ARHGAP6: variants seen among roughly 807,000 people sequenced by gnomAD.
ARHGAP6 encodes the protein Rho GTPase activating protein 6.
A neutral mutation model predicts 55.7 loss-of-function variants in ARHGAP6; 16 were observed. That is an observed-to-expected ratio of 0.29 (90% CI 0.19 to 0.44). The LOEUF (loss-of-function observed/expected upper bound fraction) is 0.44. ARHGAP6 is among the 20% of genes least tolerant of loss of function. The pLI is 1.00. For synonymous variants in ARHGAP6, 382 were observed against 360.9 expected (o/e 1.06, Z -0.66); for missense variants, 698 against 808.9 (o/e 0.86, Z 1.66).
intron 1 of ARHGAP6, among the ~76,000 whole-genome samples, chrX:11,559,950 T>C (rs1051794017): frequency 1.9e-5 from 2 of 105,946 alleles, no homozygotes; most frequent in Non-Finnish European, 3.9e-5. Flanking sequence ...ATAATAATAA[T>C]AATAATAATA....
chrX:11,407,883 A>G (rs769019825), intron 1 of ARHGAP6, among the ~76,000 whole-genome samples: 3 of 111,381 alleles, frequency 2.7e-5, no homozygotes, highest in Non-Finnish European at 5.6e-5. Context: ...TACAGGAATG[A>G]TATCCTATAG....
intron 1 of ARHGAP6, among the ~76,000 whole-genome samples, chrX:11,596,382 T>G (rs2051903275): frequency 9.0e-6 from 1 of 110,549 alleles, no homozygotes; most frequent in African/African-American, 3.3e-5. Flanking sequence ...TGAGAACACA[T>G]GGACATAGGG....
chrX:11,248,531 G>A lies in ARHGAP6; in HGVS notation c.748+6017C>T, dbSNP rs142999304. On this transcript the variant is annotated intron_variant, in intron 2 of 12. Transcript: ENST00000337414. The stretch of plus-strand genomic sequence containing the variant: ...ACAATCTATACAATTGACAAAGTAC[G>A]AATATACAGAATCTACAACAAACTC... Among the ~76,000 whole-genome samples the A allele has an allele frequency of 6.9e-3, 769 of 111,670 alleles. 3 individuals carry two copies. The highest frequency in any genetic ancestry group is 0.023 in the African/African-American group (720 of 30,777).
chrX:11,183,798 G>A (rs764930718), intron 5 of ARHGAP6, among the ~76,000 whole-genome samples: 6 of 111,718 alleles, frequency 5.4e-5, no homozygotes, highest in African/African-American at 2.0e-4. Flanking sequence ...CTCTGATTGC[G>A]GTGTGATTTT....
intron 1 of ARHGAP6, among the ~76,000 whole-genome samples, chrX:11,412,079 A>G (rs1400412495): frequency 9.0e-6 from 1 of 111,699 alleles, no homozygotes; most frequent in Non-Finnish European, 1.9e-5. Context: ...CTTTAAGAAA[A>G]TCCTATCTCT....
intron 1 of ARHGAP6, among the ~76,000 whole-genome samples, chrX:11,414,095 C>T (rs1455547631): frequency 1.8e-5 from 2 of 112,095 alleles, no homozygotes; most frequent in Non-Finnish European, 3.8e-5. Flanking sequence ...ACTGATGTAA[C>T]GTAGACCTAT....
At chrX:11,511,905 C>T (rs772622669) in intron 1 of ARHGAP6, among the ~76,000 whole-genome samples, 21 of 111,408 alleles carry the variant, frequency 1.9e-4, no homozygotes, top group Non-Finnish European at 3.6e-4. Context: ...CAGCTCACTG[C>T]AAGCTCTGCC....
intron 1 of ARHGAP6, among the ~76,000 whole-genome samples, chrX:11,657,081 G>C (rs1397497436): frequency 8.9e-6 from 1 of 111,738 alleles, no homozygotes; most frequent in Non-Finnish European, 1.9e-5. Flanking sequence ...TGCTGGACTA[G>C]AGTTCCTGGG....
chrX:11,482,621 G>A (rs2050467869), intron 1 of ARHGAP6, among the ~76,000 whole-genome samples: 1 of 111,565 alleles, frequency 9.0e-6, no homozygotes, highest in African/African-American at 3.3e-5. Context: ...GGTCTGGACT[G>A]TCATGGACCC....
intron 1 of ARHGAP6, among the ~76,000 whole-genome samples, chrX:11,602,315 T>C (rs995987273): frequency 1.8e-5 from 2 of 112,253 alleles, no homozygotes; most frequent in Non-Finnish European, 3.8e-5. Context: ...GCAACAGAAA[T>C]CTAAATCTAA....
At chrX:11,587,016 T>C (rs757186952) in intron 1 of ARHGAP6, among the ~76,000 whole-genome samples, 1 of 112,015 alleles carries the variant, frequency 8.9e-6, no homozygotes, top group African/African-American at 3.2e-5. Flanking sequence ...TTTTATACGT[T>C]GATTTTGTAT....
intron 1 of ARHGAP6, among the ~76,000 whole-genome samples, chrX:11,416,790 C>G (rs1417204256): frequency 9.2e-6 from 1 of 109,222 alleles, no homozygotes; most frequent in Non-Finnish European, 1.9e-5. Context: ...TTTGGAAAAC[C>G]CTGACAAGGG....
intron 1 of ARHGAP6, among the ~76,000 whole-genome samples, chrX:11,276,741 A>T (rs939215487): frequency 1.8e-5 from 2 of 112,527 alleles, no homozygotes; most frequent in African/African-American, 6.5e-5. Flanking sequence ...TTTTAAAATG[A>T]TAAATTACAC....
At chrX:11,590,579 A>G (rs1167574302) in intron 1 of ARHGAP6, among the ~76,000 whole-genome samples, 1 of 107,381 alleles carries the variant, frequency 9.3e-6, no homozygotes, top group Non-Finnish European at 1.9e-5. Flanking sequence ...TGAGGTTAGT[A>G]GTCAAGACCA....
chrX:11,203,508 G>A (rs2046662852), intron 2 of ARHGAP6, among the ~76,000 whole-genome samples: 1 of 111,879 alleles, frequency 8.9e-6, no homozygotes, highest in Non-Finnish European at 1.9e-5. Flanking sequence ...GGGATTGCTT[G>A]AAGCTTAGAT....
At chrX:11,510,690 G>A (rs1263744079) in intron 1 of ARHGAP6, among the ~76,000 whole-genome samples, 1 of 111,449 alleles carries the variant, frequency 9.0e-6, no homozygotes, top group Non-Finnish European at 1.9e-5. Context: ...CGGAGTGATA[G>A]TGATGGCCGT....
chrX:11,603,210 T>A, intron 1 of ARHGAP6, among the ~76,000 whole-genome samples: 1 of 111,816 alleles, frequency 8.9e-6, no homozygotes, highest in African/African-American at 3.2e-5. Flanking sequence ...GAGCAAAAAT[T>A]GTGAAATTCC....
intron 1 of ARHGAP6, among the ~76,000 whole-genome samples, chrX:11,527,011 A>AGTGTGTGTGT (rs59668043): frequency 0.014 from 1,168 of 81,027 alleles, 13 homozygotes; most frequent in Middle Eastern, 0.026. Flanking sequence ...TAATATGAGG[A>AGTGTGTGTGT]GTGTGTGTGT....
At chrX:11,260,411 T>A (rs772574477) in intron 1 of ARHGAP6, among the ~76,000 whole-genome samples, 1 of 111,955 alleles carries the variant, frequency 8.9e-6, no homozygotes, top group East Asian at 2.8e-4. Flanking sequence ...ATCAGATTCT[T>A]ATCTCCCTGC....
Sources: gnomAD v4.1 joint callset for allele counts (sites outside exome capture counted in the v4.1 genomes callset) on GRCh38, gnomAD v4.1.1 for gene constraint, MANE v1.5 for transcripts, NCBI Gene and HGNC (gene_info 2026-07-23, HGNC 2026-07-21) for gene names.